Variants in CDH13 observed in about 807,000 individuals in gnomAD.
The protein encoded by CDH13 is cadherin-13.
Under a neutral mutation model 63.8 loss-of-function variants are expected in CDH13, and 24 were observed. The observed-to-expected ratio is 0.38, with a 90% CI of 0.27 to 0.53. The LOEUF (loss-of-function observed/expected upper bound fraction) is 0.53. CDH13 is among the 20% of genes least tolerant of loss of function. The probability of loss-of-function intolerance (pLI) is 0.85; values close to 1 mark genes in which losing one functional copy is unlikely to be tolerated. For missense variants in CDH13, 1,049 were observed against 903.1 expected (o/e 1.16, Z -2.07); for synonymous variants, 503 against 355.3 (o/e 1.42, Z -4.67).
chr16:82,809,337 G>C (rs1271768115), intron 1 of CDH13, among the ~76,000 whole-genome samples: 2 of 151,318 alleles, frequency 1.3e-5, no homozygotes, highest in Non-Finnish European at 2.9e-5. Context: ...CACTGTAAAT[G>C]AAAAATGAGT....
intron 6 of CDH13, among the ~76,000 whole-genome samples, chr16:83,389,658 T>C (rs943118221): frequency 2.0e-5 from 3 of 152,350 alleles, no homozygotes; most frequent in African/African-American, 7.2e-5. Flanking sequence ...GTCACATAGC[T>C]TGTTGCTCTG....
At chr16:83,250,168 A>T (rs1905354596) in intron 5 of CDH13, among the ~76,000 whole-genome samples, 1 of 152,176 alleles carries the variant, frequency 6.6e-6, no homozygotes, top group African/African-American at 2.4e-5. Flanking sequence ...TCTAGATTAG[A>T]TTTTGTTTAT....
chr16:83,533,627 T>TC (rs2075128859), intron 7 of CDH13, among the ~76,000 whole-genome samples: 4 of 147,722 alleles, frequency 2.7e-5, no homozygotes, highest in Non-Finnish European at 6.0e-5. Flanking sequence ...TCTTTTTTTT[T>TC]TTTTTTTTTT....
intron 6 of CDH13, among the ~76,000 whole-genome samples, chr16:83,351,683 G>T (rs76801531): frequency 6.6e-6 from 1 of 152,148 alleles, no homozygotes; most frequent in South Asian, 2.1e-4. Flanking sequence ...CTGCAGAAGA[G>T]AGCTCATCTC....
chr16:83,191,505 A>ATG (rs1491422081), intron 4 of CDH13, among the ~76,000 whole-genome samples: 1,687 of 73,918 alleles, frequency 0.023, 29 homozygotes, highest in African/African-American at 0.039. Flanking sequence ...ATATATATAT[A>ATG]CACACACACA....
intron 1 of CDH13, among the ~76,000 whole-genome samples, chr16:82,687,075 G>A (rs906005206): frequency 1.3e-5 from 2 of 152,158 alleles, no homozygotes; most frequent in East Asian, 1.9e-4. Flanking sequence ...GGCAGAGAGG[G>A]GAATGGAACT....
intron 13 of CDH13, among the ~76,000 whole-genome samples, chr16:83,793,490 C>G (rs1035617089): frequency 6.6e-6 from 1 of 152,130 alleles, no homozygotes; most frequent in Non-Finnish European, 1.5e-5. Flanking sequence ...ATGTCTCTTT[C>G]TGTGAAGTTT....
intron 7 of CDH13, among the ~76,000 whole-genome samples, chr16:83,565,383 C>CTTTTTTTTTTTTTTT (rs369127310): frequency 1.5e-5 from 2 of 130,612 alleles, no homozygotes; most frequent in Admixed American, 8.0e-5. Flanking sequence ...TTCCACTGTT[C>CTTTTTTTTTTTTTTT]TTTTTTTTTT....
chr16:83,351,831 A>T (rs148353007), intron 6 of CDH13, among the ~76,000 whole-genome samples: 99 of 152,324 alleles, frequency 6.5e-4, no homozygotes, highest in Non-Finnish European at 1.2e-3. Flanking sequence ...ATCTTGGCTA[A>T]GCTTGTTCAT....
rs139364807 is a variant in CDH13 at position 83,306,195 on chromosome 16, A to G, written c.637-38667A>G. ...TGGTTGAGAACTACTGTTCCAACAT[A>G]TAGAAGAAAGTATTCTATAAACAAG... On this transcript the variant is annotated intron_variant, in intron 5 of 13. Transcript: ENST00000567109. Among the ~76,000 whole-genome samples, 28 of 152,340 alleles carry G rather than the reference A, an allele frequency of 1.8e-4. No homozygotes were observed. The East Asian group carries it at 5.0e-3, about 27-fold the overall frequency.
intron 6 of CDH13, among the ~76,000 whole-genome samples, chr16:83,436,962 G>T (rs1314512677): frequency 6.6e-6 from 1 of 152,144 alleles, no homozygotes; most frequent in African/African-American, 2.4e-5. Context: ...TAATGTAGGA[G>T]ACTGGGATGG....
chr16:82,892,346 G>A (rs980582080), intron 2 of CDH13, among the ~76,000 whole-genome samples: 6 of 152,126 alleles, frequency 3.9e-5, no homozygotes, highest in Non-Finnish European at 7.4e-5. Context: ...CTAGTCTTAC[G>A]CAGCTTATTC....
chr16:83,383,963 T>C lies in CDH13; in HGVS notation c.781+38957T>C, dbSNP rs144241697. ...AGACACACACATATACATACACATA[T>C]ACATCCACACAAATATACGTACATA... On this transcript the variant is annotated intron_variant, in intron 6 of 13. Transcript: ENST00000567109. Among the ~76,000 whole-genome samples the C allele has an allele frequency of 4.7e-4, 71 of 152,288 alleles. No homozygotes were observed. The East Asian group carries it at 0.012, about 25-fold the overall frequency.
chr16:82,672,175 G>A (rs1446735651), intron 1 of CDH13, among the ~76,000 whole-genome samples: 6 of 152,098 alleles, frequency 3.9e-5, no homozygotes, highest in Non-Finnish European at 1.5e-5. Flanking sequence ...ACCTCTTAAG[G>A]CTCAGTGTTT....
rs556956548 is a variant in CDH13 at position 83,055,956 on chromosome 16, C to G, written c.366+23738C>G. Reference sequence around the variant, plus strand: ...AAAAAAATCTTTGTAATATATGGGTCTATTACAGGACATTTATCTAGGACA... The same window carrying G: ...AAAAAAATCTTTGTAATATATGGGTGTATTACAGGACATTTATCTAGGACA... On this transcript the variant is annotated intron_variant, in intron 3 of 13. Transcript: ENST00000567109. Among the ~76,000 whole-genome samples the G allele has an allele frequency of 3.3e-5, 5 of 152,172 alleles. No homozygotes were observed. In the South Asian group the frequency reaches 8.3e-4, roughly 25 times the overall value.
intron 7 of CDH13, among the ~76,000 whole-genome samples, chr16:83,493,149 G>T (rs1377914612): frequency 6.6e-6 from 1 of 152,122 alleles, no homozygotes; most frequent in Non-Finnish European, 1.5e-5. Flanking sequence ...AATAAGATGT[G>T]CCAAGTACTA....
intron 7 of CDH13, among the ~76,000 whole-genome samples, chr16:83,522,652 C>T (rs2151621360): frequency 6.6e-6 from 1 of 152,308 alleles, no homozygotes; most frequent in South Asian, 2.1e-4. Context: ...TTCTTAAACA[C>T]CTGCAGCGTC....
chr16:83,333,824 T>C (rs150210715), intron 5 of CDH13, among the ~76,000 whole-genome samples: 2 of 152,310 alleles, frequency 1.3e-5, no homozygotes, highest in African/African-American at 2.4e-5. Context: ...TTGTTAATGG[T>C]ACCTACTTTT....
chr16:83,726,886 G>C (rs1910471637), intron 10 of CDH13, among the ~76,000 whole-genome samples: 1 of 151,884 alleles, frequency 6.6e-6, no homozygotes, highest in African/African-American at 2.4e-5. Flanking sequence ...TGTCAGTCAA[G>C]AGTATTCTGA....
Sources: allele counts gnomAD v4.1 joint callset (sites outside exome capture counted in the v4.1 genomes callset), GRCh38; gene constraint gnomAD v4.1.1; transcripts MANE v1.5; gene names NCBI Gene and HGNC (gene_info 2026-07-23, HGNC 2026-07-21).